Variants in GK5 observed in about 807,000 individuals in gnomAD.
The protein encoded by GK5 is glycerol kinase 5, also known as ATP:glycerol 3-phosphotransferase 5.
A neutral mutation model predicts 77.3 loss-of-function variants in GK5; 39 were observed. The observed-to-expected ratio is 0.50, with a 90% CI of 0.39 to 0.66. GK5 has a LOEUF of 0.66. GK5 is among the 30% of genes least tolerant of loss of function. The probability of loss-of-function intolerance (pLI) is 0.00; values close to 1 mark genes in which losing one functional copy is unlikely to be tolerated. For synonymous variants in GK5, 211 were observed against 208.0 expected, an observed-to-expected ratio of 1.01 and a Z score of -0.13; for missense variants, 487 against 633.8, an observed-to-expected ratio of 0.77 and a Z score of 2.49.
At position 142,185,985 on chromosome 3, in the gene GK5, T is replaced by C. The variant is rs1220654080; in HGVS notation, c.760A>G (p.Asn254Asp). ...LLPPVRDTSH[N>D]FGSVDEEIFG... is the part of the protein sequence containing the mutation. ...ATCTCTTCATCCACTGATCCAAAAT[T>C]GTGGCTTCAAATAAAATTCATTAAA... is the stretch of plus-strand genomic sequence containing the variant. The change falls in exon 9 of 16, where the codon AAT becomes GAT. Residue 254 changes from asparagine (N) to aspartate (D), a missense_variant. Asn to Asp is a conservative substitution (Grantham distance 23, BLOSUM62 1). Transcript: ENST00000392993. 6.2e-7 allele frequency: 1 copy of C among 1,604,368 alleles called. No individual in the cohort carries two copies. Among genetic ancestry groups the C allele is most frequent in the Non-Finnish European group, 8.5e-7 (1 of 1,174,176 alleles).
intron 15 of GK5, 57 bp downstream of exon 15, chr3:142,170,268 C>A (rs1577105273): frequency 1.0e-5 from 16 of 1,568,648 alleles, no homozygotes; most frequent in Non-Finnish European, 1.4e-5. Flanking sequence ...AGGAGAAATG[C>A]TATCTGTAAG....
At chr3:142,187,312 A>G (rs2063786362) in intron 6 of GK5, among the ~76,000 whole-genome samples, 1 of 152,140 alleles carries the variant, frequency 6.6e-6, no homozygotes, top group Non-Finnish European at 1.5e-5. Flanking sequence ...GGAAAAAAAA[A>G]AAAACTTCTG....
chr3:142,222,861 TCTG>T (rs2064372136), intron 1 of GK5, among the ~76,000 whole-genome samples: 1 of 152,218 alleles, frequency 6.6e-6, no homozygotes, highest in Non-Finnish European at 1.5e-5. Context: ...ATAAAATTAT[TCTG>T]CTAAGTTGCT....
At position 142,170,314 on chromosome 3, in the gene GK5, T is replaced by TCCTCCTTG; in HGVS notation, c.1441+10_1441+11insCAAGGAGG. 1 of 1,613,660 alleles carries TCCTCCTTG rather than the reference T, an allele frequency of 6.2e-7. No homozygotes were observed. Among genetic ancestry groups the TCCTCCTTG allele is most frequent in the African/African-American group, 1.3e-5 (1 of 75,048 alleles). On this transcript the variant is annotated intron_variant, in intron 15 of 15. Transcript: ENST00000392993. ...CAAGAAAACTCTCATTCTTATAAATTTCACACATACCAACAGCAAGGCCAG... is the reference window on the plus strand; with the variant it reads ...CAAGAAAACTCTCATTCTTATAAATTCCTCCTTGTCACACATACCAACAGCAAGGCCAG...
intron 4 of GK5, among the ~76,000 whole-genome samples, chr3:142,203,385 A>G (rs1374330135): frequency 6.6e-6 from 1 of 152,230 alleles, no homozygotes; most frequent in Admixed American, 6.5e-5. Flanking sequence ...ATACTTATCA[A>G]GTAAAACTGA....
chr3:142,215,583 T>C lies in GK5; in HGVS notation c.241+16A>G, dbSNP rs200200638. ...AAAACCATAAAGATTATTGTTATTT[T>C]TATAAATCCAATTACCTTTGACTGC... On this transcript the variant is annotated intron_variant, in intron 2 of 15. Transcript: ENST00000392993. 3.3e-5 allele frequency: 44 copies of C among 1,344,974 alleles called. No homozygotes were observed. In the East Asian group the frequency reaches 9.3e-4, roughly 28 times the overall value. 83.3% of individuals were successfully genotyped at this position (1,344,974 alleles called of 1,614,324 possible). A position where few individuals can be genotyped will look rare whatever the true frequency, so the allele number is the denominator to read the frequency against.
At chr3:142,200,195 A>T (rs1218808897) in intron 4 of GK5, among the ~76,000 whole-genome samples, 1 of 151,854 alleles carries the variant, frequency 6.6e-6, no homozygotes, top group South Asian at 2.1e-4. Context: ...CCCCAGGCTT[A>T]CATTTTTTTG....
In GK5 at chr3:142,210,850, C is replaced by T. The variant is rs183572246; in HGVS notation, c.317+2676G>A. On this transcript the variant is annotated intron_variant, in intron 3 of 15. Transcript: ENST00000392993. ...TCATGAGTGATATGGTAGCCAGGTC[C>T]TGATGAAAGCAATCACTGGGGCCAA... 2.6e-3 allele frequency among the ~76,000 whole-genome samples: 398 copies of T among 152,350 alleles called. 5 individuals carry two copies. Among genetic ancestry groups the T allele is most frequent in the Middle Eastern group, 0.017 (5 of 294 alleles).
In GK5 at chr3:142,182,983, T is replaced by A. The variant is rs373423684; in HGVS notation, c.883A>T (p.Met295Leu). ...ATATCCAAAAATGTCCCAGTTCCCATGGTTAATTTCACATCACCTGTCTGG... is the reference window on the plus strand; with the variant it reads ...ATATCCAAAAATGTCCCAGTTCCCAAGGTTAATTTCACATCACCTGTCTGG... ...CFQTGDVKLT[M>L]GTGTFLDINT... Residue 295 changes from methionine (M) to leucine (L), a missense_variant, in exon 10 of 16, where the codon ATG (methionine) becomes TTG (leucine). Met to Leu is a conservative substitution (Grantham distance 15, BLOSUM62 2). Transcript: ENST00000392993. The A allele has an allele frequency of 6.2e-7, 1 of 1,613,252 alleles. No homozygotes were observed. The highest frequency in any genetic ancestry group is 2.2e-5 in the East Asian group (1 of 44,854).
intron 6 of GK5, 122 bp downstream of exon 6, chr3:142,187,582 T>C: frequency 2.9e-6 from 2 of 692,640 alleles, no homozygotes; most frequent in Non-Finnish European, 4.9e-6. Context: ...TCCCGCCTGG[T>C]TGACAGAGCG....
intron 4 of GK5, among the ~76,000 whole-genome samples, chr3:142,200,264 G>A (rs948341580): frequency 6.6e-6 from 1 of 152,110 alleles, no homozygotes; most frequent in Non-Finnish European, 1.5e-5. Flanking sequence ...TGCCTCCCAG[G>A]TTCAAGCAAT....
At chr3:142,181,410 T>C (rs1170875027) in intron 11 of GK5, 51 bp downstream of exon 11, 3 of 1,048,432 alleles carry the variant, frequency 2.9e-6, no homozygotes, top group Non-Finnish European at 4.3e-6. Flanking sequence ...CCTGTGGCAT[T>C]CTTGAATTCT....
intron 9 of GK5, chr3:142,184,823 C>T (rs906682455): frequency 2.0e-6 from 2 of 979,956 alleles, no homozygotes; most frequent in African/African-American, 3.5e-5. Context: ...GTCTGGGAGA[C>T]AAGAGTGAAA....
chr3:142,201,382 G>A (rs1031306028), intron 4 of GK5, among the ~76,000 whole-genome samples: 1 of 152,054 alleles, frequency 6.6e-6, no homozygotes, highest in Non-Finnish European at 1.5e-5. Context: ...ATCCCAAAAG[G>A]TTATATATTT....
At chr3:142,172,252 G>C in intron 13 of GK5, 101 bp downstream of exon 13, 1 of 567,560 alleles carries the variant, frequency 1.8e-6, no homozygotes, top group Non-Finnish European at 3.2e-6. Flanking sequence ...AAAATACAAA[G>C]AATTTAATTA....
At chr3:142,190,363 CA>C (rs1202655250) in intron 5 of GK5, among the ~76,000 whole-genome samples, 2 of 150,260 alleles carry the variant, frequency 1.3e-5, no homozygotes, top group Non-Finnish European at 1.5e-5. Context: ...TACATCCTCA[CA>C]AAAAAAAAGT....
intron 3 of GK5, among the ~76,000 whole-genome samples, chr3:142,207,076 G>C (rs746791561): frequency 6.6e-6 from 1 of 152,180 alleles, no homozygotes; most frequent in African/African-American, 2.4e-5. Context: ...AGCCAACAGC[G>C]GGTGATGTGC....
chr3:142,213,407 T>C, intron 3 of GK5, 119 bp downstream of exon 3: 1 of 721,042 alleles, frequency 1.4e-6, no homozygotes, highest in Admixed American at 1.9e-5. Flanking sequence ...TTCATCCCTC[T>C]TAACCAAACG....
At chr3:142,172,289 C>G (rs2063549434) in intron 13 of GK5, 64 bp downstream of exon 13, 3 of 749,140 alleles carry the variant, frequency 4.0e-6, no homozygotes, top group South Asian at 2.2e-5. Context: ...CATTTAGTAG[C>G]AAATTAATGA....
Sources: allele counts gnomAD v4.1 joint callset (sites outside exome capture counted in the v4.1 genomes callset), GRCh38; gene constraint gnomAD v4.1.1; transcripts MANE v1.5; gene names NCBI Gene and HGNC (gene_info 2026-07-23, HGNC 2026-07-21).